The following ALKBH3 variants were observed in gnomAD, a reference collection of about 807,000 sequenced individuals.
ALKBH3 encodes alpha-ketoglutarate-dependent dioxygenase alkB homolog 3.
ALKBH3 carries 51 observed loss-of-function variants against 43.9 expected under a neutral mutation model. That is an observed-to-expected ratio of 1.16 (90% CI 0.93 to 1.47). The LOEUF is 1.47. Ranked by LOEUF, ALKBH3 falls within the 40% of genes most tolerant of loss-of-function variation. ALKBH3 has a pLI of 0.00. For synonymous variants in ALKBH3, 102 were observed against 115.2 expected (o/e 0.89, Z 0.73); for missense variants, 361 against 351.9 (o/e 1.03, Z -0.21).
chr11:43,900,487 A>G (rs12808656), intron 7 of ALKBH3, among the ~76,000 whole-genome samples: 1 of 151,964 alleles, frequency 6.6e-6, no homozygotes, highest in Non-Finnish European at 1.5e-5. Context: ...CTCCCAAAGT[A>G]CTGGGATTAC....
At chr11:43,918,860 G>A in intron 8 of ALKBH3, 178 bp from the exon 9 acceptor site, 1 of 582,814 alleles carries the variant, frequency 1.7e-6, no homozygotes, top group Non-Finnish European at 3.0e-6. Flanking sequence ...AGTAAGTCAG[G>A]GTACAGAGAG....
At position 43,898,054 on chromosome 11, in the gene ALKBH3, C is replaced by T. The variant is rs1951832046; in HGVS notation, c.460-3462C>T. 4 of 964,168 alleles carry T rather than the reference C, an allele frequency of 4.1e-6. No individual in the cohort carries two copies. The East Asian group carries it at 9.5e-5, about 23-fold the overall frequency. The allele number at this position is 964,168 out of a possible 1,614,324, so 59.7% of individuals were successfully genotyped here. On this transcript the variant is annotated intron_variant, in intron 7 of 9. Transcript: ENST00000302708. ...AGCAGCGTCCATGGCTGTTGTCATC[C>T]CAGATGCTGTCCTCAAGGAGGGGCT...
At chr11:43,918,948 A>C (rs1176494605) in intron 8 of ALKBH3, 90 bp from the exon 9 acceptor site, 5 of 999,614 alleles carry the variant, frequency 5.0e-6, no homozygotes, top group Non-Finnish European at 7.8e-6. Context: ...GGCTGAGCAG[A>C]GGTTTCCATT....
intron 6 of ALKBH3, among the ~76,000 whole-genome samples, chr11:43,891,269 T>A (rs776259028): frequency 4.2e-4 from 64 of 152,220 alleles, no homozygotes; most frequent in Admixed American, 1.6e-3. Context: ...AAAGTAGTTG[T>A]TAATTTTAAG....
intron 8 of ALKBH3, 78 bp downstream of exon 8, chr11:43,901,803 C>T: frequency 1.3e-6 from 2 of 1,507,350 alleles, no homozygotes; most frequent in Non-Finnish European, 1.8e-6. Flanking sequence ...AAAGCTTCTA[C>T]TTTCAGATTT....
chr11:43,900,957 T>C (rs1217324898), intron 7 of ALKBH3, among the ~76,000 whole-genome samples: 1 of 152,232 alleles, frequency 6.6e-6, no homozygotes, highest in Non-Finnish European at 1.5e-5. Flanking sequence ...ATGTTTTTAC[T>C]CTTTAGGTTA....
At chr11:43,895,229 T>C (rs1374484428) in intron 7 of ALKBH3, among the ~76,000 whole-genome samples, 1 of 152,184 alleles carries the variant, frequency 6.6e-6, no homozygotes, top group African/African-American at 2.4e-5. Context: ...TTTGGCTGTG[T>C]CCCCACGCAA....
At chr11:43,903,892 T>A (rs1951879407) in intron 8 of ALKBH3, among the ~76,000 whole-genome samples, 1 of 152,174 alleles carries the variant, frequency 6.6e-6, no homozygotes, top group African/African-American at 2.4e-5. Flanking sequence ...CCGTTTCTTC[T>A]CCCCTCCAGA....
At chr11:43,911,332 G>C (rs957127090) in intron 8 of ALKBH3, among the ~76,000 whole-genome samples, 1 of 152,204 alleles carries the variant, frequency 6.6e-6, no homozygotes, top group Non-Finnish European at 1.5e-5. Context: ...ACTCCCAGGT[G>C]TCTGACTTGA....
intron 1 of ALKBH3, 135 bp downstream of exon 1, chr11:43,881,314 T>C (rs1381026008): frequency 1.3e-5 from 2 of 152,210 alleles, no homozygotes; most frequent in African/African-American, 4.8e-5. Flanking sequence ...AATTCCTGGG[T>C]TGAGGGTGGC....
At chr11:43,890,327 A>G (rs565285582) in intron 6 of ALKBH3, among the ~76,000 whole-genome samples, 154 of 152,246 alleles carry the variant, frequency 1.0e-3, no homozygotes, top group African/African-American at 3.5e-3. Flanking sequence ...TAAAAGTGAC[A>G]CGGCAGTTTG....
Position 43,883,159 on chromosome 11 carries a change from A to G in ALKBH3, c.154A>G (p.Arg52Gly). 1 of 1,613,992 alleles carries G rather than the reference A, an allele frequency of 6.2e-7. No homozygotes were observed. Among genetic ancestry groups the G allele is most frequent in the Non-Finnish European group, 8.5e-7 (1 of 1,179,962 alleles). Residue 52 changes from arginine (R) to glycine (G), a missense_variant, in exon 3 of 10, where the codon AGA becomes GGA. By Grantham distance (125) the Arg-to-Gly change is moderately radical (BLOSUM62 -2). Transcript: ENST00000302708. ...WKNKEHHLSD[R>G]EFVFKEPQQV... ...GAACAAAGAGCATCATCTCTCTGAC[A>G]GAGAGTTTGTGTTCAAAGAACCTCA... is the stretch of plus-strand genomic sequence containing the variant.
intron 6 of ALKBH3, among the ~76,000 whole-genome samples, 175 bp downstream of exon 6, chr11:43,890,003 A>G (rs1951771978): frequency 6.6e-6 from 1 of 152,194 alleles, no homozygotes; most frequent in Non-Finnish European, 1.5e-5. Context: ...AGGCAGGAGA[A>G]ACAGCAGGTG....
intron 6 of ALKBH3, among the ~76,000 whole-genome samples, chr11:43,890,919 G>A (rs1951779298): frequency 6.6e-6 from 1 of 152,086 alleles, no homozygotes; most frequent in Non-Finnish European, 1.5e-5. Context: ...ACATCCTCTA[G>A]TATCCTTTAA....
chr11:43,901,589 G>A lies in ALKBH3; in HGVS notation c.533G>A (p.Cys178Tyr). The A allele has an allele frequency of 3.1e-6, 5 of 1,614,224 alleles. No homozygotes were observed. The highest frequency in any genetic ancestry group is 4.2e-6 in the Non-Finnish European group (5 of 1,180,054). Residue 178 changes from cysteine (C) to tyrosine (Y), a missense_variant, in exon 8 of 10, where the codon TGC (cysteine) becomes TAC (tyrosine). Coordinates refer to ENST00000302708, the MANE Select transcript of ALKBH3 (RefSeq NM_139178.4). ...NTGHTFNSLL[C>Y]NLYRNEKDSV... ...GGCCACACCTTCAACTCCTTACTCTGCAATCTTTATCGCAATGAGAAGGAC... is the reference window on the plus strand; with the variant it reads ...GGCCACACCTTCAACTCCTTACTCTACAATCTTTATCGCAATGAGAAGGAC...
At chr11:43,889,985 A>C (rs536487672) in intron 6 of ALKBH3, among the ~76,000 whole-genome samples, 157 bp downstream of exon 6, 1 of 152,214 alleles carries the variant, frequency 6.6e-6, no homozygotes, top group Non-Finnish European at 1.5e-5. Flanking sequence ...GACAGGGAAG[A>C]GTATTCCAGG....
At chr11:43,897,951 C>T in intron 7 of ALKBH3, 1 of 784,028 alleles carries the variant, frequency 1.3e-6, no homozygotes, top group East Asian at 2.4e-5. Flanking sequence ...TAGAAGGAGG[C>T]ATAACCTTTG....
intron 8 of ALKBH3, chr11:43,916,810 T>C (rs1283886467): frequency 6.6e-6 from 1 of 152,248 alleles, no homozygotes; most frequent in Non-Finnish European, 1.5e-5. Context: ...CTTGCTTCAG[T>C]TGAAGGGTGG....
chr11:43,903,198 C>T (rs1190059661), intron 8 of ALKBH3, among the ~76,000 whole-genome samples: 3 of 152,160 alleles, frequency 2.0e-5, no homozygotes, highest in Non-Finnish European at 4.4e-5. Context: ...AACTTGCTCT[C>T]TAAGCCTTCA....
Sources: gnomAD v4.1 joint callset for allele counts (sites outside exome capture counted in the v4.1 genomes callset) on GRCh38, gnomAD v4.1.1 for gene constraint, MANE v1.5 for transcripts, NCBI Gene and HGNC (gene_info 2026-07-23, HGNC 2026-07-21) for gene names.